CENPW: variants seen among roughly 807,000 people sequenced by gnomAD.
The protein encoded by CENPW is cancer-up-regulated gene 2 protein.
CENPW carries 3 observed loss-of-function variants against 11.1 expected under a neutral mutation model. The ratio of observed to expected loss-of-function variants is 0.27; its 90% CI spans 0.12 to 0.70. The LOEUF (loss-of-function observed/expected upper bound fraction) is 0.70, where lower values mean the gene tolerates loss of function less well. Ranked by LOEUF, CENPW falls within the 30% of genes least tolerant of loss-of-function variation. CENPW has a pLI of 0.77. For missense variants in CENPW, 100 were observed against 105.6 expected (o/e 0.95, Z 0.23); for synonymous variants, 38 against 42.0 (o/e 0.91, Z 0.37).
At chr6:126,383,930 CA>C in the CENPW span, among the ~76,000 whole-genome samples, 1,292 of 152,102 alleles carry the variant, frequency 8.5e-3, 14 homozygotes, top group African/African-American at 0.03. Context: ...TAGACATCTA[CA>C]GAGCAACAGA....
the CENPW span, among the ~76,000 whole-genome samples, chr6:126,437,279 A>C: frequency 6.6e-6 from 1 of 151,984 alleles, no homozygotes; most frequent in East Asian, 1.9e-4. Context: ...GCCAGTTTAC[A>C]CTTAGATATT....
At chr6:126,363,307 C>T in the CENPW span, among the ~76,000 whole-genome samples, 1 of 152,090 alleles carries the variant, frequency 6.6e-6, no homozygotes. Flanking sequence ...TTTATTTGGC[C>T]CACATAGTTT....
the CENPW span, among the ~76,000 whole-genome samples, chr6:126,408,358 A>C: frequency 6.6e-6 from 1 of 152,186 alleles, no homozygotes; most frequent in African/African-American, 2.4e-5. Flanking sequence ...CATGTCTTAC[A>C]TGCTGGCAGA....
chr6:126,377,639 C>T, the CENPW span, among the ~76,000 whole-genome samples: 1 of 152,098 alleles, frequency 6.6e-6, no homozygotes, highest in Non-Finnish European at 1.5e-5. Context: ...TCAAAAAACT[C>T]AGACTTTTAA....
the CENPW span, among the ~76,000 whole-genome samples, chr6:126,358,467 A>G: frequency 3.3e-5 from 5 of 152,282 alleles, no homozygotes; most frequent in Admixed American, 6.5e-5. Flanking sequence ...TGAAATAATC[A>G]TATGGTTTTT....
the CENPW span, among the ~76,000 whole-genome samples, chr6:126,367,022 T>C: frequency 1.3e-5 from 2 of 152,176 alleles, no homozygotes; most frequent in African/African-American, 4.8e-5. Flanking sequence ...TTCCACACTG[T>C]TGTACTGGAG....
chr6:126,399,715 T>C, the CENPW span, among the ~76,000 whole-genome samples: 1 of 152,106 alleles, frequency 6.6e-6, no homozygotes, highest in Non-Finnish European at 1.5e-5. Context: ...ATTTAATTTA[T>C]GTAAAGTTCT....
chr6:126,387,036 AAGTT>A, the CENPW span, among the ~76,000 whole-genome samples: 40 of 152,022 alleles, frequency 2.6e-4, no homozygotes, highest in African/African-American at 6.5e-4. Flanking sequence ...TAGAGAAACT[AAGTT>A]AGAGAGTTAA....
At chr6:126,443,282 A>G in the CENPW span, among the ~76,000 whole-genome samples, 1 of 151,104 alleles carries the variant, frequency 6.6e-6, no homozygotes, top group Non-Finnish European at 1.5e-5. Context: ...TCTTCCTTGC[A>G]ATTTATTTGT....
At chr6:126,474,327 C>T in the CENPW span, among the ~76,000 whole-genome samples, 1 of 151,958 alleles carries the variant, frequency 6.6e-6, no homozygotes, top group Non-Finnish European at 1.5e-5. Flanking sequence ...ACATTTCTTG[C>T]TAAGGATTCA....
At chr6:126,430,425 A>G in the CENPW span, among the ~76,000 whole-genome samples, 1 of 152,228 alleles carries the variant, frequency 6.6e-6, no homozygotes, top group South Asian at 2.1e-4. Context: ...TAAAATAAAA[A>G]AGACATATAT....
the CENPW span, among the ~76,000 whole-genome samples, chr6:126,408,494 C>T: frequency 2.0e-5 from 3 of 152,074 alleles, no homozygotes; most frequent in Non-Finnish European, 4.4e-5. Flanking sequence ...CACTGGAAAC[C>T]TCTCATGACA....
At chr6:126,390,992 C>T in the CENPW span, among the ~76,000 whole-genome samples, 1 of 151,792 alleles carries the variant, frequency 6.6e-6, no homozygotes, top group Non-Finnish European at 1.5e-5. Flanking sequence ...ATATACCTAG[C>T]AGGAGAATTG....
At chr6:126,391,981 T>C in the CENPW span, among the ~76,000 whole-genome samples, 1 of 151,966 alleles carries the variant, frequency 6.6e-6, no homozygotes, top group Non-Finnish European at 1.5e-5. Flanking sequence ...ATATAAATTT[T>C]AGGATAGTTT....
the CENPW span, among the ~76,000 whole-genome samples, chr6:126,384,534 C>T: frequency 1.4e-4 from 22 of 152,114 alleles, no homozygotes; most frequent in African/African-American, 4.8e-5. Context: ...GAAAAGCATT[C>T]CCTGTTCAAT....
chr6:126,423,350 C>T, the CENPW span, among the ~76,000 whole-genome samples: 3 of 151,984 alleles, frequency 2.0e-5, no homozygotes, highest in African/African-American at 4.8e-5. Flanking sequence ...CAGAAAAATT[C>T]GACACTTGCT....
chr6:126,346,614 T>C (rs1409144812), intron 2 of CENPW, among the ~76,000 whole-genome samples: 1 of 152,168 alleles, frequency 6.6e-6, no homozygotes, highest in Non-Finnish European at 1.5e-5. Context: ...CTTACTTTCT[T>C]CTTGATCTTT....
At chr6:126,471,150 T>C in the CENPW span, among the ~76,000 whole-genome samples, 1 of 152,172 alleles carries the variant, frequency 6.6e-6, no homozygotes, top group Admixed American at 6.5e-5. Flanking sequence ...ACCCAAATCT[T>C]ATCTTGAATT....
chr6:126,446,634 C>A, the CENPW span, among the ~76,000 whole-genome samples: 35 of 151,082 alleles, frequency 2.3e-4, no homozygotes, highest in African/African-American at 8.2e-4. Flanking sequence ...TCCTTCCAAC[C>A]TAACCAAAAA....
Sources: allele counts gnomAD v4.1 joint callset (sites outside exome capture counted in the v4.1 genomes callset), GRCh38; gene constraint gnomAD v4.1.1; transcripts MANE v1.5; gene names NCBI Gene and HGNC (gene_info 2026-07-23, HGNC 2026-07-21).